KHDRBS2: variants seen among roughly 807,000 people sequenced by gnomAD.
KHDRBS2 encodes KH domain-containing, RNA-binding, signal transduction-associated protein 2.
Under a neutral mutation model 44.3 loss-of-function variants are expected in KHDRBS2, and 26 were observed. That is an observed-to-expected ratio of 0.59 (90% CI 0.43 to 0.81). The LOEUF (loss-of-function observed/expected upper bound fraction) is 0.81, where lower values mean the gene tolerates loss of function less well. KHDRBS2 is among the 40% of genes least tolerant of loss of function. The pLI is 0.00. For synonymous variants in KHDRBS2, 194 were observed against 151.1 expected (o/e 1.28, Z -2.08); for missense variants, 476 against 433.1 (o/e 1.10, Z -0.88).
chr6:61,579,335 A>G, the KHDRBS2 span, among the ~76,000 whole-genome samples: 5 of 152,212 alleles, frequency 3.3e-5, no homozygotes, highest in Non-Finnish European at 7.4e-5. Context: ...CCATATTACA[A>G]CTATCAGTAA....
At chr6:61,908,036 T>C in intron 4 of KHDRBS2, among the ~76,000 whole-genome samples, 1 of 152,136 alleles carries the variant, frequency 6.6e-6, no homozygotes, top group East Asian at 1.9e-4. Context: ...TATGAATGAG[T>C]GGTTATAGTT....
At chr6:62,094,880 G>A (rs1440626726) in intron 2 of KHDRBS2, among the ~76,000 whole-genome samples, 1 of 151,748 alleles carries the variant, frequency 6.6e-6, no homozygotes, top group Non-Finnish European at 1.5e-5. Context: ...TAGATGTGTG[G>A]GTTAATTTAT....
chr6:62,216,280 G>C (rs1829962544), intron 1 of KHDRBS2, among the ~76,000 whole-genome samples: 1 of 151,730 alleles, frequency 6.6e-6, no homozygotes, highest in Non-Finnish European at 1.5e-5. Context: ...TGACAATTTA[G>C]AATCATTCAA....
At chr6:61,822,930 T>C (rs1790182331) in intron 6 of KHDRBS2, among the ~76,000 whole-genome samples, 2 of 152,058 alleles carry the variant, frequency 1.3e-5, no homozygotes, top group South Asian at 4.1e-4. Context: ...GCTCTCTGAT[T>C]TGTAACTCTA....
the KHDRBS2 span, among the ~76,000 whole-genome samples, chr6:61,590,415 G>T: frequency 6.6e-6 from 1 of 152,072 alleles, no homozygotes; most frequent in Non-Finnish European, 1.5e-5. Flanking sequence ...TGCATCCAAA[G>T]TCTTATCTGA....
At chr6:61,751,304 C>A (rs867090667) in intron 6 of KHDRBS2, among the ~76,000 whole-genome samples, 1 of 152,160 alleles carries the variant, frequency 6.6e-6, no homozygotes, top group African/African-American at 2.4e-5. Flanking sequence ...GGGATAATAT[C>A]TTCACATTTG....
chr6:61,558,989 T>C, the KHDRBS2 span, among the ~76,000 whole-genome samples: 22 of 152,120 alleles, frequency 1.4e-4, no homozygotes, highest in Non-Finnish European at 2.5e-4. Context: ...GTCTGGTGGA[T>C]CTGTCCAGTG....
intron 3 of KHDRBS2, among the ~76,000 whole-genome samples, chr6:61,982,541 CAT>C: frequency 6.6e-6 from 1 of 151,818 alleles, no homozygotes; most frequent in Non-Finnish European, 1.5e-5. Context: ...CGTGGTGGCG[CAT>C]GCCTGTAATC....
the KHDRBS2 span, among the ~76,000 whole-genome samples, chr6:61,546,219 A>G: frequency 6.6e-6 from 1 of 151,934 alleles, no homozygotes; most frequent in African/African-American, 2.4e-5. Context: ...ATTTCAAATT[A>G]TATATTAATA....
chr6:62,176,705 A>C (rs1821168743), intron 2 of KHDRBS2, among the ~76,000 whole-genome samples: 1 of 151,312 alleles, frequency 6.6e-6, no homozygotes, highest in Admixed American at 6.6e-5. Flanking sequence ...TTATTTTATG[A>C]ATAAACTTTG....
chr6:61,750,672 A>T (rs1777536309), intron 6 of KHDRBS2, among the ~76,000 whole-genome samples: 1 of 151,822 alleles, frequency 6.6e-6, no homozygotes, highest in South Asian at 2.1e-4. Context: ...TCTTGTTTTC[A>T]ACTTTCTTTG....
the KHDRBS2 span, among the ~76,000 whole-genome samples, chr6:61,609,144 G>C: frequency 3.1e-3 from 465 of 152,244 alleles, no homozygotes; most frequent in South Asian, 5.6e-3. Flanking sequence ...GATCACTTGA[G>C]GTCAGGAGTT....
chr6:61,742,783 T>C (rs377240500), intron 6 of KHDRBS2, among the ~76,000 whole-genome samples: 1 of 152,104 alleles, frequency 6.6e-6, no homozygotes, highest in African/African-American at 2.4e-5. Context: ...AGCTCTGCAA[T>C]TAGGCAATAT....
chr6:61,666,955 C>A, the KHDRBS2 span, among the ~76,000 whole-genome samples: 1 of 148,092 alleles, frequency 6.8e-6, no homozygotes, highest in Non-Finnish European at 1.5e-5. Flanking sequence ...TTAAGATCAA[C>A]TGCTGACCTG....
intron 3 of KHDRBS2, among the ~76,000 whole-genome samples, chr6:61,994,131 T>A (rs1313938420): frequency 6.6e-6 from 1 of 152,114 alleles, no homozygotes; most frequent in Non-Finnish European, 1.5e-5. Context: ...TGAGCTAAAT[T>A]TAAGGTGCCA....
intron 6 of KHDRBS2, among the ~76,000 whole-genome samples, chr6:61,846,090 C>G (rs538389857): frequency 1.3e-5 from 2 of 152,174 alleles, no homozygotes; most frequent in Admixed American, 1.3e-4. Context: ...GCCTTCCGCC[C>G]TGAGTAAAAG....
At chr6:62,042,407 G>A (rs1786724244) in intron 3 of KHDRBS2, among the ~76,000 whole-genome samples, 1 of 152,064 alleles carries the variant, frequency 6.6e-6, no homozygotes, top group Non-Finnish European at 1.5e-5. Context: ...TTGATCTACT[G>A]TGCAGTTCAT....
chr6:62,016,489 T>C (rs1401086896), intron 3 of KHDRBS2, among the ~76,000 whole-genome samples: 1 of 150,710 alleles, frequency 6.6e-6, no homozygotes, highest in Non-Finnish European at 1.5e-5. Flanking sequence ...TATATATATA[T>C]AGTGTGGATA....
Position 61,968,696 on chromosome 6 carries a change from A to G in KHDRBS2, c.483+9370T>C, listed in dbSNP as rs1770660466. Among the ~76,000 whole-genome samples the G allele has an allele frequency of 2.6e-5, 4 of 152,046 alleles. No individual in the cohort carries two copies. In the South Asian group the frequency reaches 8.3e-4, roughly 31 times the overall value. On this transcript the variant is annotated intron_variant, in intron 4 of 8. Coordinates refer to ENST00000281156, the MANE Select transcript of KHDRBS2 (RefSeq NM_152688.4). Reference sequence around the variant, plus strand: ...CATGCCACCTGCAAGTTACTTATTTAGTGCCCTTCAATACAGCATGAGAAA... The same window carrying G: ...CATGCCACCTGCAAGTTACTTATTTGGTGCCCTTCAATACAGCATGAGAAA...
Sources: gnomAD v4.1 joint callset for allele counts (sites outside exome capture counted in the v4.1 genomes callset) on GRCh38, gnomAD v4.1.1 for gene constraint, MANE v1.5 for transcripts, NCBI Gene and HGNC (gene_info 2026-07-23, HGNC 2026-07-21) for gene names.